Variants in BRAF observed in about 807,000 individuals in gnomAD.
BRAF encodes the protein serine/threonine-protein kinase B-raf.
BRAF carries 16 observed loss-of-function variants against 104.6 expected under a neutral mutation model. The observed-to-expected ratio is 0.15, with a 90% confidence interval of 0.10 to 0.23. The LOEUF (loss-of-function observed/expected upper bound fraction) is 0.23, where lower values mean the gene tolerates loss of function less well. Among genes scored for constraint, BRAF ranks in the 10% least tolerant of loss-of-function variants. The pLI is 1.00. For synonymous variants in BRAF, 310 were observed against 341.6 expected, an observed-to-expected ratio of 0.91 and a Z score of 1.02; for missense variants, 541 against 937.3, an observed-to-expected ratio of 0.58 and a Z score of 5.52.
intron 17 of BRAF, chr7:140,747,475 A>G: frequency 1.7e-6 from 2 of 1,164,600 alleles, no homozygotes; most frequent in Non-Finnish European, 2.3e-6. Flanking sequence ...GGATGAGAGA[A>G]GAACTCTGGG....
At chr7:140,815,892 A>T (rs1306282441) in intron 3 of BRAF, among the ~76,000 whole-genome samples, 1 of 152,232 alleles carries the variant, frequency 6.6e-6, no homozygotes, top group Non-Finnish European at 1.5e-5. Context: ...GTTGAATTTA[A>T]CTGGCCAAGA....
intron 18 of BRAF, among the ~76,000 whole-genome samples, chr7:140,739,422 T>C (rs535656683): frequency 6.6e-6 from 1 of 151,832 alleles, no homozygotes; most frequent in Non-Finnish European, 1.5e-5. Context: ...AAATATTATT[T>C]AACATATTGG....
At chr7:140,915,163 T>G (rs1303604875) in intron 1 of BRAF, among the ~76,000 whole-genome samples, 1 of 151,752 alleles carries the variant, frequency 6.6e-6, no homozygotes, top group Non-Finnish European at 1.5e-5. Context: ...AAATAGAAAT[T>G]TATTTTGCAA....
rs1157202558 is a variant in BRAF, at chr7:140,924,104, G to C, written c.138+462C>G. ...CAGTCCGGGAGAGGAGAGAGGAAATGATGAGCCCCATCATCCCCACGACCA... is the reference window on the plus strand; with the variant it reads ...CAGTCCGGGAGAGGAGAGAGGAAATCATGAGCCCCATCATCCCCACGACCA... On this transcript the variant is annotated intron_variant, in intron 1 of 19. Coordinates refer to ENST00000644969, the MANE Select transcript of BRAF (RefSeq NM_001374258.1). The surrounding 1 kb of genome is among the most constrained non-coding windows in gnomAD (Gnocchi z 4.2). 6.6e-6 allele frequency among the ~76,000 whole-genome samples: 1 copy of C among 152,096 alleles called. No individual in the cohort carries two copies. Among genetic ancestry groups the C allele is most frequent in the Non-Finnish European group, 1.5e-5 (1 of 67,994 alleles).
chr7:140,807,540 A>G (rs1803786003), intron 5 of BRAF, among the ~76,000 whole-genome samples: 1 of 151,600 alleles, frequency 6.6e-6, no homozygotes, highest in Non-Finnish European at 1.5e-5. Flanking sequence ...GGAAAAGAAA[A>G]GAAAGTAATG....
chr7:140,909,847 A>ACAAC (rs201964408), intron 1 of BRAF, among the ~76,000 whole-genome samples: 1 of 151,810 alleles, frequency 6.6e-6, no homozygotes, highest in Non-Finnish European at 1.5e-5. Flanking sequence ...AACAACAACA[A>ACAAC]AAAAGTGCCT....
intron 8 of BRAF, among the ~76,000 whole-genome samples, chr7:140,791,466 A>T (rs1328275825): frequency 6.7e-6 from 1 of 149,870 alleles, no homozygotes; most frequent in Non-Finnish European, 1.5e-5. Context: ...CCCATAAAGG[A>T]GACAGAGAGT....
intron 1 of BRAF, among the ~76,000 whole-genome samples, chr7:140,921,375 T>C (rs891242922): frequency 1.4e-4 from 21 of 152,320 alleles, no homozygotes; most frequent in African/African-American, 4.6e-4. Context: ...CAGAATATTC[T>C]ATTTTGAGCA....
chr7:140,844,763 T>C (rs1277784164), intron 2 of BRAF, among the ~76,000 whole-genome samples: 1 of 151,968 alleles, frequency 6.6e-6, no homozygotes, highest in Non-Finnish European at 1.5e-5. Context: ...CCGTCTCCAC[T>C]AAAAATACAA....
intron 14 of BRAF, among the ~76,000 whole-genome samples, chr7:140,764,659 C>T (rs547374313): frequency 4.6e-5 from 7 of 152,278 alleles, no homozygotes; most frequent in African/African-American, 9.6e-5. Context: ...CAATAACAGA[C>T]AAACAGAGAG....
intron 5 of BRAF, among the ~76,000 whole-genome samples, chr7:140,805,263 A>G (rs1055569957): frequency 6.6e-6 from 1 of 152,030 alleles, no homozygotes; most frequent in Admixed American, 6.6e-5. Flanking sequence ...CTTTTTTCCT[A>G]TGTATCACTT....
chr7:140,754,085 C>A (rs567236447), intron 15 of BRAF, 102 bp downstream of exon 14: 1 of 1,205,792 alleles, frequency 8.3e-7, no homozygotes, highest in South Asian at 1.2e-5. Context: ...TACAGTATAT[C>A]GAACTTAGCA....
intron 1 of BRAF, among the ~76,000 whole-genome samples, chr7:140,894,780 T>C (rs1348916778): frequency 1.3e-5 from 2 of 151,900 alleles, no homozygotes; most frequent in Non-Finnish European, 2.9e-5. Context: ...GCTCATCTAT[T>C]AAAAAAATAA....
chr7:140,739,081 G>A (rs1328724610), intron 18 of BRAF, among the ~76,000 whole-genome samples: 1 of 151,176 alleles, frequency 6.6e-6, no homozygotes, highest in South Asian at 2.1e-4. Flanking sequence ...CCCTCAAAAA[G>A]ACCCAGTATT....
Position 140,719,661 on chromosome 7 carries a change from G to T in BRAF, c.*6833C>A, listed in dbSNP as rs1795229851. On this transcript the variant is annotated 3_prime_UTR_variant, in exon 20 of 20. Coordinates refer to ENST00000644969, the MANE Select transcript of BRAF (RefSeq NM_001374258.1). ...GATTCAAGCAAACATTGAGAATAGGGGAAAAGAGGGAGACATCATCCATTT... is the reference window on the plus strand; with the variant it reads ...GATTCAAGCAAACATTGAGAATAGGTGAAAAGAGGGAGACATCATCCATTT... 1.9e-6 allele frequency: 2 copies of T among 1,061,162 alleles called. No homozygotes were observed. Among genetic ancestry groups the T allele is most frequent in the African/African-American group, 1.6e-5 (1 of 60,904 alleles). The allele number at this position is 1,061,162 out of a possible 1,614,324, so 65.7% of individuals were successfully genotyped here.
At chr7:140,911,912 T>A (rs1353683807) in intron 1 of BRAF, among the ~76,000 whole-genome samples, 2 of 152,258 alleles carry the variant, frequency 1.3e-5, no homozygotes, top group Admixed American at 1.3e-4. Flanking sequence ...ATATTGAGTG[T>A]TTAAATTGCC....
At chr7:140,828,960 C>T (rs772936390) in intron 3 of BRAF, among the ~76,000 whole-genome samples, 1 of 152,158 alleles carries the variant, frequency 6.6e-6, no homozygotes, top group African/African-American at 2.4e-5. Flanking sequence ...TTTGTACACT[C>T]ACAACTGACT....
chr7:140,764,187 A>T (rs1799072226), intron 14 of BRAF, among the ~76,000 whole-genome samples: 1 of 151,742 alleles, frequency 6.6e-6, no homozygotes, highest in African/African-American at 2.4e-5. Flanking sequence ...ACAGAACCAA[A>T]GACAAAAACC....
intron 3 of BRAF, among the ~76,000 whole-genome samples, chr7:140,816,933 C>T (rs28612236): frequency 2.0e-5 from 3 of 151,256 alleles, no homozygotes; most frequent in Middle Eastern, 3.4e-3. Context: ...CACTGTTATT[C>T]GACACACTAT....
Sources: allele counts gnomAD v4.1 joint callset (sites outside exome capture counted in the v4.1 genomes callset), GRCh38; gene constraint gnomAD v4.1.1; non-coding constraint Gnocchi (gnomAD v3.1); transcripts MANE v1.5; gene names NCBI Gene and HGNC (gene_info 2026-07-23, HGNC 2026-07-21).